MAMLD1: variants seen among roughly 807,000 people sequenced by gnomAD.
MAMLD1 encodes mastermind-like domain-containing protein 1.
MAMLD1 carries 14 observed loss-of-function variants against 45.0 expected under a neutral mutation model. That is an observed-to-expected ratio of 0.31 (90% CI 0.21 to 0.49). The LOEUF (loss-of-function observed/expected upper bound fraction) is 0.49, where lower values mean the gene tolerates loss of function less well. Among genes scored for constraint, MAMLD1 ranks in the 20% least tolerant of loss-of-function variants. The probability of loss-of-function intolerance (pLI) is 0.99; values close to 1 mark genes in which losing one functional copy is unlikely to be tolerated. For synonymous variants in MAMLD1, 254 were observed against 247.8 expected (o/e 1.02, Z -0.24); for missense variants, 543 against 603.6 (o/e 0.90, Z 1.05).
chrX:150,471,885 C>T (rs1322839209), intron 4 of MAMLD1, among the ~76,000 whole-genome samples: 1 of 112,488 alleles, frequency 8.9e-6, no homozygotes, highest in African/African-American at 3.2e-5. Context: ...TCCCTGCTGG[C>T]AGAAGGACAA....
At chrX:150,431,442 G>A (rs368145842) in intron 1 of MAMLD1, among the ~76,000 whole-genome samples, 2 of 109,022 alleles carry the variant, frequency 1.8e-5, no homozygotes, top group South Asian at 4.0e-4. Flanking sequence ...AGGTCAAGGG[G>A]TACATGTGCG....
intron 5 of MAMLD1, among the ~76,000 whole-genome samples, chrX:150,494,851 T>C (rs2037318378): frequency 1.8e-5 from 2 of 110,354 alleles, no homozygotes; most frequent in South Asian, 7.6e-4. Context: ...ACTACTGCAC[T>C]CCAGCCTGGG....
intron 5 of MAMLD1, among the ~76,000 whole-genome samples, chrX:150,489,612 C>G (rs1257368050): frequency 1.9e-5 from 2 of 107,315 alleles, no homozygotes; most frequent in Non-Finnish European, 3.9e-5. Flanking sequence ...TTTGCACCAG[C>G]CTAATATTAT....
intron 1 of MAMLD1, among the ~76,000 whole-genome samples, chrX:150,424,638 T>A (rs1236445254): frequency 1.8e-5 from 2 of 112,598 alleles, no homozygotes; most frequent in East Asian, 5.6e-4. Context: ...ACTTAAAAGA[T>A]TTTGTTGTAT....
intron 1 of MAMLD1, among the ~76,000 whole-genome samples, chrX:150,390,171 T>C (rs1388129573): frequency 8.1e-5 from 9 of 111,719 alleles, no homozygotes; most frequent in Non-Finnish European, 1.7e-4. Flanking sequence ...GCTCAAGTGA[T>C]CCTCCCACCT....
At chrX:150,369,480 G>A (rs782008585) in intron 1 of MAMLD1, among the ~76,000 whole-genome samples, 6 of 112,876 alleles carry the variant, frequency 5.3e-5, no homozygotes, top group South Asian at 7.2e-4. Flanking sequence ...ATGGCAGAAG[G>A]CCAATCAAAA....
intron 5 of MAMLD1, among the ~76,000 whole-genome samples, chrX:150,481,962 A>AAAAAAGAAAGAAAGAAAG (rs1557407252): frequency 2.4e-5 from 2 of 83,481 alleles, no homozygotes; most frequent in Non-Finnish European, 2.2e-5. Flanking sequence ...AGAAAGAAAG[A>AAAAAAGAAAGAAAGAAAG]AAAAAGAAAG....
intron 1 of MAMLD1, among the ~76,000 whole-genome samples, chrX:150,418,274 C>T (rs1274306589): frequency 1.7e-4 from 19 of 110,588 alleles, no homozygotes; most frequent in Non-Finnish European, 2.9e-4. Flanking sequence ...TCTGTGGGAT[C>T]GGTGGTGATA....
At chrX:150,490,104 C>T (rs2037135129) in intron 5 of MAMLD1, among the ~76,000 whole-genome samples, 1 of 111,707 alleles carries the variant, frequency 9.0e-6, no homozygotes, top group Admixed American at 9.4e-5. Context: ...AATGATGGAT[C>T]TAAGGGGGAG....
rs1380796788 is a variant in MAMLD1 at position 150,417,719 on chromosome X, G to C, written c.-63-27735G>C. 3.7e-5 allele frequency among the ~76,000 whole-genome samples: 4 copies of C among 107,813 alleles called. No individual in the cohort carries two copies. The East Asian group carries it at 1.2e-3, about 32-fold the overall frequency. 93.6% of individuals were successfully genotyped at this position (107,813 alleles called of 115,157 possible). A position where few individuals can be genotyped will look rare whatever the true frequency, so the allele number is the denominator to read the frequency against. The stretch of plus-strand genomic sequence containing the variant: ...TCGCCATTCTAACTGGTGTGAGATG[G>C]TATCTCATTGTGGTTTTGATTTGCA... On this transcript the variant is annotated intron_variant, in intron 1 of 7. Coordinates refer to ENST00000370401, the MANE Select transcript of MAMLD1 (RefSeq NM_005491.5).
chrX:150,387,166 A>G (rs1437704826), intron 1 of MAMLD1, among the ~76,000 whole-genome samples: 14 of 111,376 alleles, frequency 1.3e-4, no homozygotes, highest in Non-Finnish European at 1.9e-5. Context: ...GCTTTTCTCA[A>G]TCTAAGGATT....
intron 5 of MAMLD1, among the ~76,000 whole-genome samples, chrX:150,500,782 T>G (rs652747): frequency 0.45 from 48,577 of 108,434 alleles, 7,610 homozygotes; most frequent in East Asian, 0.67. Flanking sequence ...TACCTCACAC[T>G]TAGAGTGTGT....
At chrX:150,423,922 ACTTTT>A (rs2034614753) in intron 1 of MAMLD1, among the ~76,000 whole-genome samples, 1 of 112,496 alleles carries the variant, frequency 8.9e-6, no homozygotes, top group Non-Finnish European at 1.9e-5. Flanking sequence ...AACAAGTTCA[ACTTTT>A]CTTTTTCAAG....
At chrX:150,466,973 C>G (rs1285772537) in intron 3 of MAMLD1, among the ~76,000 whole-genome samples, 1 of 110,323 alleles carries the variant, frequency 9.1e-6, no homozygotes, top group African/African-American at 3.3e-5. Flanking sequence ...CTCACAGCCC[C>G]TTCCCTCCCT....
chrX:150,388,066 A>G (rs1378548445), intron 1 of MAMLD1, among the ~76,000 whole-genome samples: 2 of 111,815 alleles, frequency 1.8e-5, no homozygotes, highest in Admixed American at 9.5e-5. Flanking sequence ...TTTCTCTTCT[A>G]CTTTCTAGAA....
At chrX:150,414,356 A>G (rs1420328789) in intron 1 of MAMLD1, among the ~76,000 whole-genome samples, 1 of 111,983 alleles carries the variant, frequency 8.9e-6, no homozygotes, top group Non-Finnish European at 1.9e-5. Flanking sequence ...AACCTCAGCA[A>G]AGCACTAGGC....
intron 1 of MAMLD1, among the ~76,000 whole-genome samples, chrX:150,367,319 T>A: frequency 9.0e-6 from 1 of 111,431 alleles, no homozygotes; most frequent in Non-Finnish European, 1.9e-5. Flanking sequence ...GATTCACTAC[T>A]GTCAATCCTT....
In MAMLD1 at chrX:150,422,838, C is replaced by A. The variant is rs781944398; in HGVS notation, c.-63-22616C>A. On this transcript the variant is annotated intron_variant, in intron 1 of 7. Coordinates refer to ENST00000370401, the MANE Select transcript of MAMLD1 (RefSeq NM_005491.5). ...CTGTCCTTCAGCTCAGTTGCTGTCT[C>A]CATTGCCTGCATTGAAAAAAAAGGG... 7.1e-5 allele frequency among the ~76,000 whole-genome samples: 8 copies of A among 112,017 alleles called. No homozygotes were observed. The South Asian group carries it at 2.6e-3, about 37-fold the overall frequency.
chrX:150,428,878 G>A (rs1557403916), intron 1 of MAMLD1, among the ~76,000 whole-genome samples: 1 of 111,723 alleles, frequency 9.0e-6, no homozygotes, highest in Admixed American at 9.5e-5. Flanking sequence ...AGGAAGTTTT[G>A]GCCACTACCT....
Sources: allele counts gnomAD v4.1 joint callset (sites outside exome capture counted in the v4.1 genomes callset), GRCh38; gene constraint gnomAD v4.1.1; transcripts MANE v1.5; gene names NCBI Gene and HGNC (gene_info 2026-07-23, HGNC 2026-07-21).